Variants in RARB observed in about 807,000 individuals in gnomAD.
The protein encoded by RARB is retinoic acid receptor beta.
RARB carries 17 observed loss-of-function variants against 51.9 expected under a neutral mutation model. That is an observed-to-expected ratio of 0.33 (90% confidence interval 0.22 to 0.49). The LOEUF (loss-of-function observed/expected upper bound fraction) is 0.49, where lower values mean the gene tolerates loss of function less well. RARB is among the 20% of genes least tolerant of loss of function. RARB has a pLI of 0.99. For missense variants in RARB, 369 were observed against 550.8 expected (o/e 0.67, Z 3.30); for synonymous variants, 215 against 195.4 (o/e 1.10, Z -0.84).
At chr3:25,365,063 A>G (rs923198914) in intron 5 of RARB, among the ~76,000 whole-genome samples, 3 of 152,096 alleles carry the variant, frequency 2.0e-5, no homozygotes, top group African/African-American at 7.2e-5. Flanking sequence ...GAAATTTCCC[A>G]TCACTCAAAG....
At chr3:24,886,809 A>G (rs1206314085) in intron 2 of RARB, among the ~76,000 whole-genome samples, 1 of 152,190 alleles carries the variant, frequency 6.6e-6, no homozygotes, top group Non-Finnish European at 1.5e-5. Flanking sequence ...TAAAGGCAGT[A>G]ATGTAAAAGA....
chr3:25,319,147 A>G (rs1176588696), intron 5 of RARB, among the ~76,000 whole-genome samples: 1 of 152,172 alleles, frequency 6.6e-6, no homozygotes, highest in Non-Finnish European at 1.5e-5. Context: ...ATGTGTTTAG[A>G]TTAATGGTGA....
rs866723485 is a variant in RARB at position 24,997,418 on chromosome 3, G to T, written c.-379-62707G>T. Among the ~76,000 whole-genome samples, 4 of 151,532 alleles carry T rather than the reference G, an allele frequency of 2.6e-5. No individual in the cohort carries two copies. In the Middle Eastern group the frequency reaches 0.014, roughly 515 times the overall value. On this transcript the variant is annotated intron_variant, in intron 2 of 11. Coordinates refer to the RARB transcript ENST00000383772. The stretch of plus-strand genomic sequence containing the variant: ...TAATCTAGTCTTTATCTTTTAAGTT[G>T]AGAATGTACTCAATTTGCATTCATG...
intron 2 of RARB, among the ~76,000 whole-genome samples, chr3:25,007,594 A>G (rs1697300226): frequency 7.1e-6 from 1 of 140,796 alleles, no homozygotes; most frequent in East Asian, 2.2e-4. Flanking sequence ...GACTGTCTCA[A>G]AAAAAAAAAA....
At position 25,461,975 on chromosome 3, in the gene RARB, C is replaced by G. The variant is rs1027236737; in HGVS notation, c.306+634C>G. 7.2e-5 allele frequency among the ~76,000 whole-genome samples: 11 copies of G among 152,322 alleles called. 1 individual carries two copies. The highest frequency in any genetic ancestry group is 7.2e-4 in the Admixed American group (11 of 15,300). ...TCTTTTTCTCTTTAGAACATGCCGT[C>G]TGGTGTCTGTAGTTTTATCTTATTT... is the stretch of plus-strand genomic sequence containing the variant. On this transcript the variant is annotated intron_variant, in intron 2 of 7. Transcript: ENST00000330688.
chr3:25,393,565 G>A (rs989840024), intron 5 of RARB, among the ~76,000 whole-genome samples: 1 of 151,904 alleles, frequency 6.6e-6, no homozygotes, highest in African/African-American at 2.4e-5. Flanking sequence ...CATTCTCACT[G>A]CTTGTTATTG....
intron 5 of RARB, among the ~76,000 whole-genome samples, chr3:25,277,500 G>A (rs1703424146): frequency 6.6e-6 from 1 of 152,178 alleles, no homozygotes; most frequent in African/African-American, 2.4e-5. Flanking sequence ...AGAACAGTTT[G>A]CAAATTGATT....
In RARB at chr3:25,522,732, G is replaced by T. The variant is rs551839643; in HGVS notation, c.448+21409G>T. Among the ~76,000 whole-genome samples, 13 of 152,264 alleles carry T rather than the reference G, an allele frequency of 8.5e-5. No individual in the cohort carries two copies. The East Asian group carries it at 1.4e-3, about 16-fold the overall frequency. The stretch of plus-strand genomic sequence containing the variant: ...TGGAAGCACAGCCCCGGGTAAGGGG[G>T]AGGTCTGCGGGTCCTCTTAGAGCCG... On this transcript the variant is annotated intron_variant, in intron 3 of 7. Coordinates refer to ENST00000330688, the MANE Select transcript of RARB (RefSeq NM_000965.5).
At chr3:24,893,697 T>C (rs1026146784) in intron 2 of RARB, among the ~76,000 whole-genome samples, 1 of 152,030 alleles carries the variant, frequency 6.6e-6, no homozygotes, top group African/African-American at 2.4e-5. Flanking sequence ...TTTTTTTTTT[T>C]TTAATTTTGT....
At chr3:25,057,573 T>G (rs373032367) in intron 2 of RARB, among the ~76,000 whole-genome samples, 5 of 152,160 alleles carry the variant, frequency 3.3e-5, no homozygotes, top group African/African-American at 1.2e-4. Context: ...CAATTTTTGC[T>G]TTGAAAGACT....
chr3:25,422,203 T>C (rs1308467425), intron 5 of RARB, among the ~76,000 whole-genome samples: 1 of 152,224 alleles, frequency 6.6e-6, no homozygotes, highest in South Asian at 2.1e-4. Context: ...ATCTCAGTTG[T>C]AGACATTATC....
intron 2 of RARB, among the ~76,000 whole-genome samples, chr3:24,932,538 AC>A (rs1326373044): frequency 6.6e-6 from 1 of 151,888 alleles, no homozygotes; most frequent in Non-Finnish European, 1.5e-5. Context: ...ATGCATTTTT[AC>A]ACACATACCT....
chr3:25,171,661 A>AAAAAAAAAAAC (rs10528053), intron 4 of RARB, among the ~76,000 whole-genome samples: 3 of 148,576 alleles, frequency 2.0e-5, no homozygotes, highest in African/African-American at 7.4e-5. Context: ...AAAAAAAAAA[A>AAAAAAAAAAAC]CAGCTTTAAA....
rs144477682 is a variant in RARB, at chr3:24,837,900, G to A, written c.-459+8497G>A. ...GCCTTAACACATTAACACAAAATTC[G>A]TGGCTGAAAACATCACACATTCACT... On this transcript the variant is annotated intron_variant, in intron 1 of 11. Transcript: ENST00000383772. Among the ~76,000 whole-genome samples, 468 of 152,244 alleles carry A rather than the reference G, an allele frequency of 3.1e-3. 3 individuals are homozygous for A. Among genetic ancestry groups the A allele is most frequent in the African/African-American group, 0.011 (451 of 41,526 alleles).
intron 5 of RARB, among the ~76,000 whole-genome samples, chr3:25,386,438 A>G (rs961382639): frequency 2.6e-5 from 4 of 152,200 alleles, no homozygotes; most frequent in African/African-American, 7.2e-5. Context: ...CGATTTTATA[A>G]GAAGGAAAAA....
chr3:25,134,648 C>A (rs1700004976), intron 4 of RARB, among the ~76,000 whole-genome samples: 1 of 151,902 alleles, frequency 6.6e-6, no homozygotes, highest in African/African-American at 2.4e-5. Flanking sequence ...CTTGATTCTC[C>A]ATTCTTCTCA....
intron 5 of RARB, among the ~76,000 whole-genome samples, chr3:25,190,170 A>G (rs1232474060): frequency 2.0e-5 from 3 of 147,422 alleles, no homozygotes; most frequent in Non-Finnish European, 3.0e-5. Context: ...GAACTTTCCC[A>G]TGGAAGGAGA....
At chr3:25,396,254 G>C (rs970047734) in intron 5 of RARB, among the ~76,000 whole-genome samples, 3 of 152,260 alleles carry the variant, frequency 2.0e-5, no homozygotes, top group Non-Finnish European at 2.9e-5. Context: ...ACGTGCTCTG[G>C]TGGAGGTAGC....
intron 5 of RARB, among the ~76,000 whole-genome samples, chr3:25,243,961 G>T (rs905635647): frequency 6.6e-6 from 1 of 152,040 alleles, no homozygotes; most frequent in Non-Finnish European, 1.5e-5. Context: ...TAATTGATAG[G>T]CTATTAATTA....
Sources: gnomAD v4.1 joint callset for allele counts (sites outside exome capture counted in the v4.1 genomes callset) on GRCh38, gnomAD v4.1.1 for gene constraint, MANE v1.5 for transcripts, NCBI Gene and HGNC (gene_info 2026-07-23, HGNC 2026-07-21) for gene names.